The following FLRT2 variants were observed in gnomAD, a reference collection of about 807,000 sequenced individuals.
FLRT2 encodes the protein fibronectin leucine rich transmembrane protein 2.
A neutral mutation model predicts 40.0 loss-of-function variants in FLRT2; 15 were observed. That is an observed-to-expected ratio of 0.38 (90% CI 0.25 to 0.58). The LOEUF is 0.58. FLRT2 is among the 20% of genes least tolerant of loss of function. The pLI, the probability that FLRT2 is intolerant of heterozygous loss-of-function variation, is 0.71. For synonymous variants in FLRT2, 380 were observed against 336.8 expected (o/e 1.13, Z -1.41); for missense variants, 726 against 840.0 (o/e 0.86, Z 1.68).
At chr14:85,552,137 C>T (rs1360396956) in intron 1 of FLRT2, among the ~76,000 whole-genome samples, 1 of 152,134 alleles carries the variant, frequency 6.6e-6, no homozygotes, top group African/African-American at 2.4e-5. Flanking sequence ...TTTACTGAAC[C>T]TTGGAGGCAC....
chr14:85,571,329 A>G (rs1354621442), intron 1 of FLRT2, among the ~76,000 whole-genome samples: 1 of 152,180 alleles, frequency 6.6e-6, no homozygotes, highest in Non-Finnish European at 1.5e-5. Context: ...TATAAAAAAA[A>G]GTTGTGGGGT....
intron 1 of FLRT2, among the ~76,000 whole-genome samples, chr14:85,537,200 T>C (rs2139803223): frequency 6.6e-6 from 1 of 152,296 alleles, no homozygotes; most frequent in East Asian, 1.9e-4. Flanking sequence ...TTGTGAGGGT[T>C]TTCAGATAGA....
chr14:85,599,004 G>A (rs1207527231), intron 1 of FLRT2, among the ~76,000 whole-genome samples: 4 of 137,680 alleles, frequency 2.9e-5, no homozygotes, highest in Non-Finnish European at 4.5e-5. Context: ...TGCAAGCTCC[G>A]CCTCCTGGAT....
intron 1 of FLRT2, among the ~76,000 whole-genome samples, chr14:85,604,157 C>A (rs1450757727): frequency 6.6e-6 from 1 of 152,016 alleles, no homozygotes; most frequent in Non-Finnish European, 1.5e-5. Context: ...TGGAAATTGT[C>A]ACATATTTTA....
At chr14:85,542,208 G>A (rs1434668415) in intron 1 of FLRT2, among the ~76,000 whole-genome samples, 1 of 152,128 alleles carries the variant, frequency 6.6e-6, no homozygotes, top group Non-Finnish European at 1.5e-5. Context: ...ACTTCTTACT[G>A]TTTCTACTGC....
chr14:85,649,177 C>T lies in FLRT2; in HGVS notation c.*25680C>T, dbSNP rs549584144. 9 of 152,072 alleles carry T rather than the reference C, an allele frequency of 5.9e-5. No homozygotes were observed. The highest frequency in any genetic ancestry group is 1.2e-4 in the Non-Finnish European group (8 of 67,996). 9.4% of individuals were successfully genotyped at this position (152,072 alleles called of 1,614,324 possible). A position where few individuals can be genotyped will look rare whatever the true frequency, so the allele number is the denominator to read the frequency against. On this transcript the variant is annotated 3_prime_UTR_variant, in exon 2 of 2. Transcript: ENST00000330753. ...AATGATTTTAGAATCTGGAAATTTA[C>T]AAACTATTAATTTTCTTTTCTACAG...
Position 85,623,806 on chromosome 14 carries a change from G to A in FLRT2, c.*309G>A, listed in dbSNP as rs867755584. The A allele has an allele frequency of 3.9e-6, 1 of 259,252 alleles. No homozygotes were observed. The highest frequency in any genetic ancestry group is 7.7e-6 in the Non-Finnish European group (1 of 129,280). The allele number at this position is 259,252 out of a possible 1,614,324, so 16.1% of individuals were successfully genotyped here. A position where few individuals can be genotyped will look rare whatever the true frequency, so the allele number is the denominator to read the frequency against. ...CAATGCCAAGGCAAAAAGAACGAGT[G>A]ATTTTTCCTTAGGATACACATCAAC... On this transcript the variant is annotated 3_prime_UTR_variant, in exon 2 of 2. Coordinates refer to ENST00000330753, the MANE Select transcript of FLRT2 (RefSeq NM_013231.6).
rs1193327770 is a variant in FLRT2, at chr14:85,648,944, C to T, written c.*25447C>T. 1.3e-5 allele frequency: 2 copies of T among 152,130 alleles called. No homozygotes were observed. Among genetic ancestry groups the T allele is most frequent in the African/African-American group, 4.8e-5 (2 of 41,434 alleles). 9.4% of individuals were successfully genotyped at this position (152,130 alleles called of 1,614,324 possible). A position where few individuals can be genotyped will look rare whatever the true frequency, so the allele number is the denominator to read the frequency against. On this transcript the variant is annotated 3_prime_UTR_variant, in exon 2 of 2. Coordinates refer to ENST00000330753, the MANE Select transcript of FLRT2 (RefSeq NM_013231.6). ...AGATTTTAAACCATGTGTGAGCAGT[C>T]ACAGAATTCACTGATCTATTATAAT... is the stretch of plus-strand genomic sequence containing the variant.
intron 1 of FLRT2, among the ~76,000 whole-genome samples, chr14:85,607,075 T>G (rs1216907400): frequency 6.6e-6 from 1 of 152,060 alleles, no homozygotes; most frequent in Non-Finnish European, 1.5e-5. Flanking sequence ...AAATCTCTTT[T>G]CCACAAGAAC....
intron 1 of FLRT2, among the ~76,000 whole-genome samples, chr14:85,604,368 C>T (rs935949427): frequency 6.6e-6 from 1 of 152,060 alleles, no homozygotes; most frequent in Non-Finnish European, 1.5e-5. Context: ...GCCTGGTAAT[C>T]GCCAATGTGC....
chr14:85,574,072 A>G (rs1891014240), intron 1 of FLRT2, among the ~76,000 whole-genome samples: 1 of 152,168 alleles, frequency 6.6e-6, no homozygotes, highest in Admixed American at 6.5e-5. Flanking sequence ...AGATTTTCAG[A>G]GTTCTTCCCA....
In FLRT2 at chr14:85,622,438, G is replaced by A. The variant is rs1893440728; in HGVS notation, c.924G>A (p.Arg308=). Residue 308 remains arginine, a synonymous_variant, in exon 2 of 2, where the codon CGG becomes CGA. Coordinates refer to ENST00000330753, the MANE Select transcript of FLRT2 (RefSeq NM_013231.6). ...NLSNLKQLTA[R]NNPWFCDCSI... ...CCAACCTGAAGCAGCTCACTGCTCG[G>A]AATAACCCTTGGTTTTGTGACTGCA... 1 of 1,614,046 alleles carries A rather than the reference G, an allele frequency of 6.2e-7. No homozygotes were observed.
Position 85,643,358 on chromosome 14 carries a change from C to CTTT in FLRT2, c.*19861_*19862insTTT, listed in dbSNP as rs1894210806. On this transcript the variant is annotated 3_prime_UTR_variant, in exon 2 of 2. Transcript: ENST00000330753. Reference sequence around the variant, plus strand: ...TTCTTTCTTTCTTTCTTTCTTTCTTCCTTCCTTCCTTCCTTCCTTTCTTTC... The same window carrying CTTT: ...TTCTTTCTTTCTTTCTTTCTTTCTTCTTTCTTCCTTCCTTCCTTCCTTTCTTTC... 5 of 110,414 alleles carry CTTT rather than the reference C, an allele frequency of 4.5e-5. No homozygotes were observed. The highest frequency in any genetic ancestry group is 1.8e-4 in the African/African-American group (5 of 27,356). 6.8% of individuals were successfully genotyped at this position (110,414 alleles called of 1,614,324 possible). A position where few individuals can be genotyped will look rare whatever the true frequency, so the allele number is the denominator to read the frequency against.
chr14:85,559,092 T>A (rs900592914), intron 1 of FLRT2, among the ~76,000 whole-genome samples: 1 of 152,180 alleles, frequency 6.6e-6, no homozygotes. Context: ...ATCACTGTCA[T>A]AGCTCTTCAT....
chr14:85,576,312 C>G (rs1891124459), intron 1 of FLRT2, among the ~76,000 whole-genome samples: 1 of 152,084 alleles, frequency 6.6e-6, no homozygotes, highest in African/African-American at 2.4e-5. Context: ...ATTTCCATTA[C>G]CATGGTTATC....
rs1484760038 is a variant in FLRT2, at chr14:85,630,756, T to C, written c.*7259T>C. ...CATGAGCCACACCACTGCATTTAAA[T>C]AATCAGCCTAGGATTCTGCTAGTTC... On this transcript the variant is annotated 3_prime_UTR_variant, in exon 2 of 2. Coordinates refer to ENST00000330753, the MANE Select transcript of FLRT2 (RefSeq NM_013231.6). 1.3e-5 allele frequency: 2 copies of C among 152,128 alleles called. No homozygotes were observed. Among genetic ancestry groups the C allele is most frequent in the African/African-American group, 4.8e-5 (2 of 41,422 alleles). 9.4% of individuals were successfully genotyped at this position (152,128 alleles called of 1,614,324 possible).
intron 1 of FLRT2, among the ~76,000 whole-genome samples, chr14:85,603,330 A>G (rs1892463643): frequency 6.6e-6 from 1 of 152,044 alleles, no homozygotes; most frequent in South Asian, 2.1e-4. Flanking sequence ...GGTTCCGGGC[A>G]TCGATTATGA....
chr14:85,647,035 C>G lies in FLRT2; in HGVS notation c.*23538C>G, dbSNP rs1894322988. The stretch of plus-strand genomic sequence containing the variant: ...TGATGAACAGCTATGAATGTTGTTT[C>G]TTTTTCTTAGACAAAGTGCATATCT... On this transcript the variant is annotated 3_prime_UTR_variant, in exon 2 of 2. Coordinates refer to ENST00000330753, the MANE Select transcript of FLRT2 (RefSeq NM_013231.6). The G allele has an allele frequency of 6.6e-6, 1 of 152,122 alleles. No homozygotes were observed. Among genetic ancestry groups the G allele is most frequent in the African/African-American group, 2.4e-5 (1 of 41,442 alleles). 9.4% of individuals were successfully genotyped at this position (152,122 alleles called of 1,614,324 possible).
At position 85,646,503 on chromosome 14, in the gene FLRT2, T is replaced by C. The variant is rs1409933837; in HGVS notation, c.*23006T>C. On this transcript the variant is annotated 3_prime_UTR_variant, in exon 2 of 2. Transcript: ENST00000330753. ...AAAGGATGAAGTAGGTTTGCAGTCC[T>C]CTTAGAAGAAGGTAAAAGTGGGTAG... 1 of 152,252 alleles carries C rather than the reference T, an allele frequency of 6.6e-6. No individual in the cohort carries two copies. The highest frequency in any genetic ancestry group is 1.5e-5 in the Non-Finnish European group (1 of 68,070). The allele number at this position is 152,252 out of a possible 1,614,324, so 9.4% of individuals were successfully genotyped here.
Sources: allele counts gnomAD v4.1 joint callset (sites outside exome capture counted in the v4.1 genomes callset), GRCh38; gene constraint gnomAD v4.1.1; transcripts MANE v1.5; gene names NCBI Gene and HGNC (gene_info 2026-07-23, HGNC 2026-07-21).